NEGR1: variants seen among roughly 807,000 people sequenced by gnomAD.
The protein encoded by NEGR1 is neuronal growth regulator 1, also known as IgLON family member 4.
Under a neutral mutation model 40.9 loss-of-function variants are expected in NEGR1, and 10 were observed. The observed-to-expected ratio is 0.24, with a 90% CI of 0.15 to 0.42. The LOEUF is 0.42. Ranked by LOEUF, NEGR1 falls within the 10% of genes least tolerant of loss-of-function variation. The probability of loss-of-function intolerance (pLI) is 1.00; values close to 1 mark genes in which losing one functional copy is unlikely to be tolerated. For synonymous variants in NEGR1, 185 were observed against 166.8 expected (o/e 1.11, Z -0.84); for missense variants, 352 against 438.9 (o/e 0.80, Z 1.77).
intron 3 of NEGR1, among the ~76,000 whole-genome samples, chr1:71,771,990 G>A (rs1656347255): frequency 6.6e-6 from 1 of 152,024 alleles, no homozygotes; most frequent in Non-Finnish European, 1.5e-5. Context: ...TTTATTGGTA[G>A]CATAGGGAAG....
intron 4 of NEGR1, among the ~76,000 whole-genome samples, chr1:71,660,079 T>C (rs1393249380): frequency 1.3e-5 from 2 of 152,202 alleles, no homozygotes; most frequent in African/African-American, 4.8e-5. Context: ...TCAATGTAAA[T>C]GTTGATCAAT....
chr1:71,801,069 G>A (rs1213392791), intron 2 of NEGR1, among the ~76,000 whole-genome samples: 1 of 152,126 alleles, frequency 6.6e-6, no homozygotes, highest in African/African-American at 2.4e-5. Flanking sequence ...CCCAGTGACA[G>A]GTTCTCAGCT....
At chr1:71,440,269 A>G (rs1458687852) in intron 6 of NEGR1, among the ~76,000 whole-genome samples, 1 of 152,238 alleles carries the variant, frequency 6.6e-6, no homozygotes, top group African/African-American at 2.4e-5. Flanking sequence ...ATACTGAATT[A>G]CCAGTAAATT....
At chr1:72,032,309 G>C (rs758736945) in intron 1 of NEGR1, among the ~76,000 whole-genome samples, 34 of 152,304 alleles carry the variant, frequency 2.2e-4, no homozygotes, top group Middle Eastern at 3.4e-3. Context: ...TTTCGGAACA[G>C]AGGGGCAGGA....
At chr1:72,130,988 CAT>C (rs1650226994) in intron 1 of NEGR1, among the ~76,000 whole-genome samples, 1 of 152,100 alleles carries the variant, frequency 6.6e-6, no homozygotes, top group Admixed American at 6.6e-5. Context: ...AATAGAGAAA[CAT>C]GTATCTACAG....
intron 1 of NEGR1, among the ~76,000 whole-genome samples, chr1:72,041,233 T>C (rs1646951262): frequency 6.6e-6 from 1 of 152,048 alleles, no homozygotes; most frequent in Non-Finnish European, 1.5e-5. Flanking sequence ...CCTAATCATT[T>C]GTCCTTTGTT....
intron 1 of NEGR1, among the ~76,000 whole-genome samples, chr1:72,219,341 T>C (rs757581526): frequency 3.3e-5 from 5 of 152,078 alleles, no homozygotes; most frequent in Admixed American, 1.3e-4. Flanking sequence ...TTAATTAAAA[T>C]TGATATTTAT....
chr1:71,550,800 A>G (rs1477789069), intron 6 of NEGR1, among the ~76,000 whole-genome samples: 1 of 151,660 alleles, frequency 6.6e-6, no homozygotes, highest in Non-Finnish European at 1.5e-5. Context: ...AAATTGTAGG[A>G]AAGGATTTAA....
chr1:72,016,101 A>AT (rs929918439), intron 1 of NEGR1, among the ~76,000 whole-genome samples: 10 of 151,624 alleles, frequency 6.6e-5, no homozygotes, highest in South Asian at 2.1e-4. Flanking sequence ...TTTTAACTTA[A>AT]TTTTTTTTTG....
intron 6 of NEGR1, among the ~76,000 whole-genome samples, chr1:71,580,577 T>C (rs1221591052): frequency 6.6e-6 from 1 of 152,054 alleles, no homozygotes; most frequent in Non-Finnish European, 1.5e-5. Context: ...TTATATAGAT[T>C]TGGAGATACA....
intron 4 of NEGR1, among the ~76,000 whole-genome samples, chr1:71,682,096 G>A (rs1465200961): frequency 6.6e-6 from 1 of 152,100 alleles, no homozygotes; most frequent in Non-Finnish European, 1.5e-5. Flanking sequence ...CAAAGTGCTG[G>A]GATTACAGGC....
chr1:72,218,701 A>G (rs1258695208), intron 1 of NEGR1, among the ~76,000 whole-genome samples: 1 of 151,588 alleles, frequency 6.6e-6, no homozygotes, highest in Admixed American at 6.6e-5. Flanking sequence ...CTGACTTTTG[A>G]AGGATTAAGA....
intron 1 of NEGR1, among the ~76,000 whole-genome samples, chr1:72,093,492 C>A (rs1349751605): frequency 6.6e-6 from 1 of 152,170 alleles, no homozygotes; most frequent in African/African-American, 2.4e-5. Context: ...CATTAACACT[C>A]ATCAATAGTT....
intron 2 of NEGR1, among the ~76,000 whole-genome samples, chr1:71,870,788 T>A (rs775909382): frequency 3.3e-5 from 5 of 152,166 alleles, no homozygotes; most frequent in Non-Finnish European, 7.3e-5. Context: ...GTGCTCAAAT[T>A]TGAGTTCATA....
At chr1:72,050,527 T>A (rs1212995152) in intron 1 of NEGR1, among the ~76,000 whole-genome samples, 2 of 151,630 alleles carry the variant, frequency 1.3e-5, no homozygotes, top group African/African-American at 4.8e-5. Flanking sequence ...ACTTCAATTC[T>A]AACTAATATG....
At chr1:71,757,313 A>G (rs1013296892) in intron 3 of NEGR1, among the ~76,000 whole-genome samples, 1 of 152,122 alleles carries the variant, frequency 6.6e-6, no homozygotes, top group East Asian at 1.9e-4. Context: ...TAAAACTTTA[A>G]CAGGCCAAAA....
intron 3 of NEGR1, among the ~76,000 whole-genome samples, chr1:71,761,703 T>C (rs1004103020): frequency 6.6e-6 from 1 of 152,096 alleles, no homozygotes; most frequent in Admixed American, 6.6e-5. Flanking sequence ...GTATTCTAAC[T>C]TAACCAAAAT....
At position 72,123,996 on chromosome 1, in the gene NEGR1, G is replaced by A. The variant is rs1375474727; in HGVS notation, c.176+158323C>T. On this transcript the variant is annotated intron_variant, in intron 1 of 6. Transcript: ENST00000357731. ...CTTTTAGAGTTATGTATAAATCACC[G>A]TTTTGAAATTAGAAATCTATCATTT... 3.3e-5 allele frequency among the ~76,000 whole-genome samples: 5 copies of A among 152,036 alleles called. No homozygotes were observed. In the East Asian group the frequency reaches 5.8e-4, roughly 18 times the overall value.
intron 6 of NEGR1, among the ~76,000 whole-genome samples, chr1:71,484,243 C>A (rs1472199037): frequency 2.6e-5 from 4 of 151,576 alleles, no homozygotes; most frequent in Non-Finnish European, 5.9e-5. Flanking sequence ...GAATAAAATA[C>A]CAGCTGGATG....
Sources: allele counts gnomAD v4.1 joint callset (sites outside exome capture counted in the v4.1 genomes callset), GRCh38; gene constraint gnomAD v4.1.1; transcripts MANE v1.5; gene names NCBI Gene and HGNC (gene_info 2026-07-23, HGNC 2026-07-21).